Variants in VPS39 observed in about 807,000 individuals in gnomAD.
VPS39 encodes the protein VPS39 subunit of HOPS complex, also known as vam6/Vps39-like protein.
VPS39 carries 70 observed loss-of-function variants against 121.0 expected under a neutral mutation model. The observed-to-expected ratio is 0.58, with a 90% CI of 0.48 to 0.71. The LOEUF is 0.71. Among genes scored for constraint, VPS39 ranks in the 30% least tolerant of loss-of-function variants. VPS39 has a pLI of 0.00. For synonymous variants in VPS39, 378 were observed against 398.1 expected, an observed-to-expected ratio of 0.95 and a Z score of 0.60; for missense variants, 818 against 1,051.5, an observed-to-expected ratio of 0.78 and a Z score of 3.07.
intron 1 of VPS39, among the ~76,000 whole-genome samples, chr15:42,201,101 T>C (rs1412605634): frequency 1.3e-5 from 2 of 152,218 alleles, no homozygotes; most frequent in Admixed American, 6.5e-5. Flanking sequence ...GTGATGAATA[T>C]GTTCTAAAAT....
rs1398415969 is a variant in VPS39 at position 42,158,825 on chromosome 15, G to A, written c.*1929C>T. 6.6e-6 allele frequency: 1 copy of A among 152,218 alleles called. No individual in the cohort carries two copies. Among genetic ancestry groups the A allele is most frequent in the Non-Finnish European group, 1.5e-5 (1 of 68,080 alleles). The allele number at this position is 152,218 out of a possible 1,614,324, so 9.4% of individuals were successfully genotyped here. On this transcript the variant is annotated 3_prime_UTR_variant, in exon 25 of 25. Coordinates refer to ENST00000318006, the MANE Select transcript of VPS39 (RefSeq NM_015289.5). ...GCTCTGTGGAGGGCAGAGAGTTGAGGGAAGGAAGAATGGAGCTTGGGAGCA... is the reference window on the plus strand; with the variant it reads ...GCTCTGTGGAGGGCAGAGAGTTGAGAGAAGGAAGAATGGAGCTTGGGAGCA...
In VPS39 at chr15:42,173,822, GCTTTTC is replaced by G; in HGVS notation, c.985_990del (p.Glu329_Lys330del). Reference sequence around the variant, plus strand: ...TTCTTGATGTGATGAATTTGTTGCTGCTTTTCACTGTCAGAATCATCTTTCATTTCC... The same window carrying G: ...TTCTTGATGTGATGAATTTGTTGCTGACTGTCAGAATCATCTTTCATTTCC... On this transcript the variant is annotated inframe_deletion, in exon 11 of 25. Coordinates refer to ENST00000318006, the MANE Select transcript of VPS39 (RefSeq NM_015289.5). The G allele has an allele frequency of 6.2e-7, 1 of 1,614,132 alleles. No homozygotes were observed. Among genetic ancestry groups the G allele is most frequent in the Non-Finnish European group, 8.5e-7 (1 of 1,179,982 alleles).
intron 12 of VPS39, among the ~76,000 whole-genome samples, chr15:42,169,156 C>T: frequency 6.6e-6 from 1 of 152,178 alleles, no homozygotes; most frequent in Admixed American, 6.5e-5. Context: ...CAGTATATGG[C>T]TAAATTTTTA....
At chr15:42,197,338 A>G (rs1013662703) in intron 2 of VPS39, among the ~76,000 whole-genome samples, 39 of 151,240 alleles carry the variant, frequency 2.6e-4, no homozygotes, top group Admixed American at 8.6e-4. Flanking sequence ...AAAAGAGTGG[A>G]AAAAAAAACC....
Position 42,166,624 on chromosome 15 carries a change from G to A in VPS39, c.1545C>T (p.Ser515=). ...EKALQVLVDQ[S]KKANSPLKGH... is the part of the protein sequence containing the mutation. ...CTTTCAGAGGGGAGTTGGCTTTCTT[G>A]GACTGGTCCACGAGCACCTGCAGAG... Residue 515 remains serine (S), a synonymous_variant, in exon 15 of 25, where the codon TCC becomes TCT. Coordinates refer to ENST00000318006, the MANE Select transcript of VPS39 (RefSeq NM_015289.5). 6.2e-7 allele frequency: 1 copy of A among 1,614,148 alleles called. No individual in the cohort carries two copies. The highest frequency in any genetic ancestry group is 8.5e-7 in the Non-Finnish European group (1 of 1,180,014).
chr15:42,191,973 G>GCAA lies in VPS39; in HGVS notation c.140-416_140-414dup. On this transcript the variant is annotated intron_variant, in intron 2 of 24. Transcript: ENST00000318006. ...TTAGATCTAGACCAACTAATTTCCA[G>GCAA]CAACTATTCTAACTAAGTTCTGTAT... is the stretch of plus-strand genomic sequence containing the variant. The GCAA allele has an allele frequency of 2.1e-6, 3 of 1,428,404 alleles. No individual in the cohort carries two copies. The South Asian group carries it at 3.7e-5, about 18-fold the overall frequency. 88.5% of individuals were successfully genotyped at this position (1,428,404 alleles called of 1,614,324 possible). A position where few individuals can be genotyped will look rare whatever the true frequency, so the allele number is the denominator to read the frequency against.
chr15:42,181,271 G>A (rs1430057685), intron 8 of VPS39, among the ~76,000 whole-genome samples: 1 of 152,112 alleles, frequency 6.6e-6, no homozygotes, highest in Admixed American at 6.5e-5. Flanking sequence ...GAACCTTGAG[G>A]ACATTATGCT....
In VPS39 at chr15:42,183,257, T is replaced by G. The variant is rs367965988; in HGVS notation, c.718+1260A>C. ...GGACCACAGGCACACACTGCCACAC[T>G]CAGCTAGTTTTTTTTTTTTTTCGTG... On this transcript the variant is annotated intron_variant, in intron 8 of 24. Coordinates refer to ENST00000318006, the MANE Select transcript of VPS39 (RefSeq NM_015289.5). Among the ~76,000 whole-genome samples, 481 of 149,316 alleles carry G rather than the reference T, an allele frequency of 3.2e-3. 4 individuals are homozygous for G. Among genetic ancestry groups the G allele is most frequent in the African/African-American group, 0.011 (422 of 40,036 alleles).
chr15:42,190,698 C>T (rs1177902683), intron 4 of VPS39, among the ~76,000 whole-genome samples: 1 of 152,194 alleles, frequency 6.6e-6, no homozygotes, highest in African/African-American at 2.4e-5. Context: ...ATCTACTAGA[C>T]AATATAGTCC....
rs2049252402 is a variant in VPS39, at chr15:42,166,802, GGAT to G, written c.1486_1488del (p.Ile496del). On this transcript the variant is annotated inframe_deletion, in exon 14 of 25. Coordinates refer to ENST00000318006, the MANE Select transcript of VPS39 (RefSeq NM_015289.5). Reference sequence around the variant, plus strand: ...TCGTGGAGCCCCTTCTTCTCATACAGGATGATAAGCTCACTGTACTTGTGAGCC... The same window carrying G: ...TCGTGGAGCCCCTTCTTCTCATACAGGATAAGCTCACTGTACTTGTGAGCC... 1 of 1,614,240 alleles carries G rather than the reference GGAT, an allele frequency of 6.2e-7. No individual in the cohort carries two copies. Among genetic ancestry groups the G allele is most frequent in the Non-Finnish European group, 8.5e-7 (1 of 1,180,048 alleles).
At position 42,191,572 on chromosome 15, in the gene VPS39, A is replaced by C. The variant is rs2049827786; in HGVS notation, c.140-12T>G. The C allele has an allele frequency of 6.2e-7, 1 of 1,612,566 alleles. No individual in the cohort carries two copies. The highest frequency in any genetic ancestry group is 8.5e-7 in the Non-Finnish European group (1 of 1,178,858). ...AAATCTGTTGCAACCTATGGAAAAC[A>C]AATAAACACTGGTAGTTCCAAATAC... On this transcript the variant is annotated splice_polypyrimidine_tract_variant and intron_variant, in intron 2 of 24. Coordinates refer to ENST00000318006, the MANE Select transcript of VPS39 (RefSeq NM_015289.5).
Position 42,160,691 on chromosome 15 carries a change from G to A in VPS39, c.*63C>T. 1 of 1,476,280 alleles carries A rather than the reference G, an allele frequency of 6.8e-7. No individual in the cohort carries two copies. Among genetic ancestry groups the A allele is most frequent in the South Asian group, 1.1e-5 (1 of 88,234 alleles). 91.4% of individuals were successfully genotyped at this position (1,476,280 alleles called of 1,614,324 possible). ...TGGCAGCCAGGATTCCTAAGGCCAG[G>A]TGCTCCTTCACCTCTCTGGGAGAGC... On this transcript the variant is annotated 3_prime_UTR_variant, in exon 25 of 25. Coordinates refer to ENST00000318006, the MANE Select transcript of VPS39 (RefSeq NM_015289.5).
At chr15:42,195,773 C>T (rs1286740134) in intron 2 of VPS39, among the ~76,000 whole-genome samples, 14 of 152,146 alleles carry the variant, frequency 9.2e-5, no homozygotes, top group African/African-American at 3.4e-4. Context: ...TCAATGCCAT[C>T]CTCATCAAGC....
rs189260625 is a variant in VPS39 at position 42,182,022 on chromosome 15, A to G, written c.718+2495T>C. On this transcript the variant is annotated intron_variant, in intron 8 of 24. Coordinates refer to ENST00000318006, the MANE Select transcript of VPS39 (RefSeq NM_015289.5). ...AGTCGCTGCACTAGTTTAATTATCCATTTTCTGATAAAAAGTTTTTCCTAT... is the reference window on the plus strand; with the variant it reads ...AGTCGCTGCACTAGTTTAATTATCCGTTTTCTGATAAAAAGTTTTTCCTAT... 7.2e-5 allele frequency among the ~76,000 whole-genome samples: 11 copies of G among 152,172 alleles called. No individual in the cohort carries two copies. In the East Asian group the frequency reaches 2.1e-3, roughly 29 times the overall value.
chr15:42,160,994 CCAT>C, intron 24 of VPS39, 165 bp from the exon 25 acceptor site: 1 of 644,386 alleles, frequency 1.6e-6, no homozygotes, highest in Non-Finnish European at 2.8e-6. Context: ...ATTTCTGTAG[CCAT>C]CATCTCTGTC....
At chr15:42,187,654 T>C in intron 6 of VPS39, 104 bp downstream of exon 6, 1 of 994,186 alleles carries the variant, frequency 1.0e-6, no homozygotes, top group Non-Finnish European at 1.6e-6. Context: ...CATACCAGAG[T>C]ATTCATTTGC....
intron 11 of VPS39, among the ~76,000 whole-genome samples, chr15:42,172,958 G>T (rs1943447846): frequency 6.6e-6 from 1 of 152,168 alleles, no homozygotes; most frequent in Non-Finnish European, 1.5e-5. Flanking sequence ...TGGAAAAAAG[G>T]CAAAGCAATG....
At chr15:42,203,429 G>C (rs902443158) in intron 1 of VPS39, among the ~76,000 whole-genome samples, 6 of 151,348 alleles carry the variant, frequency 4.0e-5, no homozygotes, top group Non-Finnish European at 5.9e-5. Flanking sequence ...AGCTGAGATC[G>C]TACCACTGCA....
chr15:42,189,720 C>A (rs2049781866), intron 4 of VPS39, among the ~76,000 whole-genome samples: 1 of 105,068 alleles, frequency 9.5e-6, no homozygotes, highest in Non-Finnish European at 2.2e-5. Context: ...CAGAGTGAGA[C>A]TCCGTCTCAA....
Sources: gnomAD v4.1 joint callset for allele counts (sites outside exome capture counted in the v4.1 genomes callset) on GRCh38, gnomAD v4.1.1 for gene constraint, MANE v1.5 for transcripts, NCBI Gene and HGNC (gene_info 2026-07-23, HGNC 2026-07-21) for gene names.